Variants in APBB2 observed in about 807,000 individuals in gnomAD.
The protein encoded by APBB2 is amyloid beta precursor protein binding family B member 2.
Under a neutral mutation model 82.5 loss-of-function variants are expected in APBB2, and 38 were observed. That is an observed-to-expected ratio of 0.46 (90% CI 0.36 to 0.60). The LOEUF (loss-of-function observed/expected upper bound fraction) is 0.60. Among genes scored for constraint, APBB2 ranks in the 20% least tolerant of loss-of-function variants. The pLI, the probability that APBB2 is intolerant of heterozygous loss-of-function variation, is 0.00. For missense variants in APBB2, 772 were observed against 972.3 expected, an observed-to-expected ratio of 0.79 and a Z score of 2.74; for synonymous variants, 341 against 368.2, an observed-to-expected ratio of 0.93 and a Z score of 0.85.
chr4:41,001,283 A>C (rs988565317), intron 6 of APBB2, among the ~76,000 whole-genome samples: 4 of 152,202 alleles, frequency 2.6e-5, no homozygotes, highest in African/African-American at 9.7e-5. Flanking sequence ...GATTAAATAG[A>C]CTTTCATGGG....
rs1232612497 is a variant in APBB2, at chr4:40,982,299, AAGGAAG to A, written c.835+31278_835+31283del. 1.9e-4 allele frequency among the ~76,000 whole-genome samples: 9 copies of A among 47,306 alleles called. 1 individual carries two copies. Among genetic ancestry groups the A allele is most frequent in the African/African-American group, 8.6e-4 (9 of 10,486 alleles). 31.0% of individuals were successfully genotyped at this position (47,306 alleles called of 152,430 possible). On this transcript the variant is annotated intron_variant, in intron 6 of 17. Transcript: ENST00000508593. ...GAAAGAAAGAAGGAAGGAAGGAAGG[AAGGAAG>A]GAAAGAAAGAAAGAAAGAAAAGAAA...
intron 2 of APBB2, among the ~76,000 whole-genome samples, chr4:41,105,190 T>C (rs1746746616): frequency 6.6e-6 from 1 of 152,350 alleles, no homozygotes; most frequent in African/African-American, 2.4e-5. Context: ...ACCATATCCC[T>C]GATATACAAT....
chr4:41,013,034 C>T (rs1164097632), intron 6 of APBB2, among the ~76,000 whole-genome samples: 2 of 152,180 alleles, frequency 1.3e-5, no homozygotes, highest in Non-Finnish European at 2.9e-5. Context: ...GATTTTCCCA[C>T]TTTTAAATAT....
At chr4:40,819,657 G>A (rs1271213093) in intron 17 of APBB2, among the ~76,000 whole-genome samples, 2 of 151,894 alleles carry the variant, frequency 1.3e-5, no homozygotes, top group Admixed American at 6.6e-5. Flanking sequence ...AAAGGGGCAG[G>A]CCTCTCCTGT....
intron 6 of APBB2, among the ~76,000 whole-genome samples, chr4:40,969,666 G>A (rs1484609920): frequency 6.6e-6 from 1 of 152,152 alleles, no homozygotes; most frequent in Non-Finnish European, 1.5e-5. Flanking sequence ...ATGTTTTAAA[G>A]AGTCCTTCCT....
chr4:40,968,657 T>A (rs1795246287), intron 6 of APBB2, among the ~76,000 whole-genome samples: 1 of 152,158 alleles, frequency 6.6e-6, no homozygotes, highest in South Asian at 2.1e-4. Context: ...ATGCCTTACA[T>A]ATCTGTATCC....
intron 4 of APBB2, among the ~76,000 whole-genome samples, chr4:41,057,411 A>G (rs999199989): frequency 6.6e-6 from 1 of 152,216 alleles, no homozygotes; most frequent in African/African-American, 2.4e-5. Flanking sequence ...AGATAGCGCT[A>G]TTGCACTCCA....
At chr4:40,924,541 C>A (rs920756448) in intron 10 of APBB2, among the ~76,000 whole-genome samples, 2 of 152,170 alleles carry the variant, frequency 1.3e-5, no homozygotes, top group African/African-American at 2.4e-5. Flanking sequence ...TTCTTAGAAG[C>A]TGGACACCAG....
At chr4:40,917,677 G>C (rs1272873633) in intron 10 of APBB2, among the ~76,000 whole-genome samples, 1 of 152,180 alleles carries the variant, frequency 6.6e-6, no homozygotes, top group Non-Finnish European at 1.5e-5. Context: ...GAGGGAATGG[G>C]TTATCTTAAA....
chr4:41,031,374 C>T (rs909435820), intron 5 of APBB2, among the ~76,000 whole-genome samples: 1 of 152,148 alleles, frequency 6.6e-6, no homozygotes, highest in Non-Finnish European at 1.5e-5. Context: ...TCTCATCAGT[C>T]GCCATTTGAA....
intron 10 of APBB2, among the ~76,000 whole-genome samples, chr4:40,894,307 A>G (rs981723115): frequency 1.3e-5 from 2 of 150,108 alleles, no homozygotes; most frequent in Non-Finnish European, 2.9e-5. Flanking sequence ...AAAAAAGAAT[A>G]GATTACCAGA....
intron 10 of APBB2, among the ~76,000 whole-genome samples, chr4:40,900,010 G>C (rs1440870682): frequency 6.6e-6 from 1 of 152,220 alleles, no homozygotes; most frequent in African/African-American, 2.4e-5. Flanking sequence ...CACAGCTGCT[G>C]CTCTGTGACT....
chr4:40,988,110 C>T (rs891745621), intron 6 of APBB2, among the ~76,000 whole-genome samples: 5 of 152,156 alleles, frequency 3.3e-5, no homozygotes, highest in African/African-American at 1.2e-4. Context: ...CAAATGGTCA[C>T]CATGACTAAG....
chr4:40,940,494 T>C (rs924490474), intron 7 of APBB2, among the ~76,000 whole-genome samples: 1 of 152,204 alleles, frequency 6.6e-6, no homozygotes, highest in Non-Finnish European at 1.5e-5. Flanking sequence ...AATGTCATGA[T>C]TACTTGACTG....
intron 4 of APBB2, among the ~76,000 whole-genome samples, chr4:41,064,270 G>A (rs1232019485): frequency 4.0e-5 from 6 of 151,808 alleles, no homozygotes; most frequent in Admixed American, 6.6e-5. Context: ...GAGCCACCAC[G>A]CCTGGCCCCA....
chr4:40,879,311 G>A (rs1174155803), intron 12 of APBB2, among the ~76,000 whole-genome samples: 1 of 152,018 alleles, frequency 6.6e-6, no homozygotes, highest in East Asian at 1.9e-4. Context: ...AAAGGCTCAA[G>A]GCTAGCTGAA....
chr4:41,024,560 G>T (rs1361677719), intron 5 of APBB2, among the ~76,000 whole-genome samples: 2 of 152,220 alleles, frequency 1.3e-5, no homozygotes, highest in East Asian at 3.8e-4. Context: ...GGCAAAGCCT[G>T]GACCCAGGTG....
rs6822300 is a variant in APBB2 at position 40,949,826 on chromosome 4, C to A, written c.836-4753G>T. On this transcript the variant is annotated intron_variant, in intron 6 of 17. Coordinates refer to ENST00000508593, the MANE Select transcript of APBB2 (RefSeq NM_004307.2). ...GCGTCTGCCACGCACCCCCTTTTGA[C>A]GGATCTGCTTAGAGCTTTGAAATCA... Among the ~76,000 whole-genome samples the A allele has an allele frequency of 3.9e-5, 6 of 152,282 alleles. No individual in the cohort carries two copies. In the South Asian group the frequency reaches 1.0e-3, roughly 26 times the overall value.
chr4:40,881,112 A>C, intron 12 of APBB2: 3 of 985,462 alleles, frequency 3.0e-6, no homozygotes, highest in Non-Finnish European at 3.6e-6. Flanking sequence ...GAGATAAAAT[A>C]GAACCACAGT....
Sources: allele counts gnomAD v4.1 joint callset (sites outside exome capture counted in the v4.1 genomes callset), GRCh38; gene constraint gnomAD v4.1.1; transcripts MANE v1.5; gene names NCBI Gene and HGNC (gene_info 2026-07-23, HGNC 2026-07-21).